The following SETX variants were observed in gnomAD, a reference collection of about 807,000 sequenced individuals.
SETX encodes the protein senataxin, also known as helicase senataxin.
SETX carries 90 observed loss-of-function variants against 227.2 expected under a neutral mutation model. The ratio of observed to expected loss-of-function variants is 0.40; its 90% confidence interval spans 0.33 to 0.47. The LOEUF (loss-of-function observed/expected upper bound fraction) is 0.47, where lower values mean the gene tolerates loss of function less well. SETX is among the 20% of genes least tolerant of loss of function. SETX has a pLI of 0.91. For missense variants in SETX, 3,052 were observed against 3,181.5 expected (o/e 0.96, Z 0.98); for synonymous variants, 1,210 against 1,113.2 (o/e 1.09, Z -1.73).
At chr9:132,348,129 T>C (rs1415403425) in intron 3 of SETX, among the ~76,000 whole-genome samples, 1 of 148,774 alleles carries the variant, frequency 6.7e-6, no homozygotes, top group Non-Finnish European at 1.5e-5. Context: ...GAGGCCGAGG[T>C]GGGCAGATCA....
At chr9:132,334,831 G>C (rs1273721367) in intron 6 of SETX, 104 bp from the exon 7 acceptor site, 2 of 1,261,006 alleles carry the variant, frequency 1.6e-6, no homozygotes, top group Admixed American at 1.7e-5. Context: ...AAGCAAGATA[G>C]TATTTAGTTT....
chr9:132,325,269 C>T (rs1241261565), intron 10 of SETX, among the ~76,000 whole-genome samples: 1 of 151,866 alleles, frequency 6.6e-6, no homozygotes, highest in African/African-American at 2.4e-5. Context: ...GGCAGGAGAA[C>T]AGCCTGAACC....
chr9:132,346,522 A>T, intron 3 of SETX, 51 bp from the exon 4 acceptor site: 1 of 1,292,320 alleles, frequency 7.7e-7, no homozygotes, highest in Non-Finnish European at 1.1e-6. Context: ...CATCAACAAA[A>T]TACACTGAAT....
chr9:132,334,636 T>C lies in SETX; in HGVS notation c.810A>G (p.Ile270Met), dbSNP rs1005923531. The C allele has an allele frequency of 6.2e-7, 1 of 1,613,982 alleles. No homozygotes were observed. Among genetic ancestry groups the C allele is most frequent in the African/African-American group, 1.3e-5 (1 of 74,944 alleles). Residue 270 changes from isoleucine to methionine, a missense_variant, in exon 7 of 26, where the codon ATA (isoleucine) becomes ATG (methionine). Around this residue, in one of 10 missense-constraint regions of SETX, gnomAD observed 239 missense variants for 240.8 expected, o/e 0.99. Transcript: ENST00000224140. ...CTGCTTCCCTCTCCATAGTGTGAAG[T>C]ATCGATTGCATAAAATCATTTTGTT... ...SDKQNDFMQS[I>M]LHTMEREADD...
In SETX at chr9:132,264,086, G is replaced by T; in HGVS notation, c.*153C>A. 2.0e-6 allele frequency: 2 copies of T among 1,024,306 alleles called. No individual in the cohort carries two copies. The highest frequency in any genetic ancestry group is 1.5e-6 in the Non-Finnish European group (1 of 685,374). The allele number at this position is 1,024,306 out of a possible 1,614,324, so 63.5% of individuals were successfully genotyped here. A position where few individuals can be genotyped will look rare whatever the true frequency, so the allele number is the denominator to read the frequency against. On this transcript the variant is annotated 3_prime_UTR_variant, in exon 26 of 26. Transcript: ENST00000224140. ...GCAAATGACAGAAAATACTGAAGAT[G>T]ACCAGAGGCTCAGGTGTTAAGGATG...
intron 19 of SETX, 139 bp from the exon 20 acceptor site, chr9:132,281,713 T>C: frequency 4.1e-6 from 3 of 726,086 alleles, no homozygotes; most frequent in Non-Finnish European, 7.2e-6. Context: ...AAATTTTCCC[T>C]GAAAACAAAA....
chr9:132,334,162 C>A (rs114160747), intron 7 of SETX, among the ~76,000 whole-genome samples: 99 of 152,222 alleles, frequency 6.5e-4, no homozygotes, highest in African/African-American at 2.3e-3. Context: ...TATAAAGGTC[C>A]TTTCTGATTT....
chr9:132,264,306 T>C lies in SETX; in HGVS notation c.7967A>G (p.Asn2656Ser), dbSNP rs745394467. ...CAGTGTCCTCTTGTCCCACCTAGAGTTCCTCCTGGTGTGATGGGTCTCGGA... is the reference window on the plus strand; with the variant it reads ...CAGTGTCCTCTTGTCCCACCTAGAGCTCCTCCTGGTGTGATGGGTCTCGGA... ...CGSETHHTRR[N>S]SRWDKRTLEQ... The change falls in exon 26 of 26, where the codon AAC becomes AGC. Residue 2656 changes from asparagine (N) to serine (S), a missense_variant. Asn to Ser is a conservative substitution (Grantham distance 46). This residue lies in a region of SETX where 294 missense variants were observed against 278.8 expected (regional missense o/e 1.05). Coordinates refer to ENST00000224140, the MANE Select transcript of SETX (RefSeq NM_015046.7). 3.4e-5 allele frequency: 55 copies of C among 1,614,032 alleles called. No homozygotes were observed. The highest frequency in any genetic ancestry group is 4.2e-5 in the Non-Finnish European group (49 of 1,180,044).
intron 11 of SETX, among the ~76,000 whole-genome samples, chr9:132,302,173 C>A (rs10901151): frequency 1.3e-5 from 2 of 151,002 alleles, no homozygotes. Context: ...CTGGCCAACA[C>A]GGTGAAACCC....
rs1847477426 is a variant in SETX, at chr9:132,334,658, T to C, written c.788A>G (p.Gln263Arg). The change falls in exon 7 of 26, where the codon CAA becomes CGA. Residue 263 changes from glutamine to arginine, a missense_variant. Physicochemically the swap from Gln to Arg is conservative, Grantham distance 43. Around this residue, in one of 10 missense-constraint regions of SETX, gnomAD observed 239 missense variants for 240.8 expected, o/e 0.99. Coordinates refer to ENST00000224140, the MANE Select transcript of SETX (RefSeq NM_015046.7). ...MDSLLLGSDK[Q>R]NDFMQSILHT... ...AAGTATCGATTGCATAAAATCATTT[T>C]GTTTGTCTGAGCCCAACAACAGGGA... is the stretch of plus-strand genomic sequence containing the variant. The C allele has an allele frequency of 1.2e-6, 2 of 1,614,038 alleles. No homozygotes were observed. Among genetic ancestry groups the C allele is most frequent in the East Asian group, 2.2e-5 (1 of 44,888 alleles).
intron 15 of SETX, among the ~76,000 whole-genome samples, 194 bp downstream of exon 15, chr9:132,295,678 G>T (rs958479361): frequency 6.6e-6 from 1 of 152,174 alleles, no homozygotes; most frequent in African/African-American, 2.4e-5. Flanking sequence ...CTTCACTGAT[G>T]AAACCTCAGT....
chr9:132,350,656 A>T (rs1274329587), intron 2 of SETX, among the ~76,000 whole-genome samples: 2 of 152,206 alleles, frequency 1.3e-5, no homozygotes, highest in African/African-American at 4.8e-5. Context: ...TTGATTTTTT[A>T]AAATTTATTA....
At chr9:132,354,292 GC>G (rs1848766765) in intron 1 of SETX, among the ~76,000 whole-genome samples, 1 of 152,116 alleles carries the variant, frequency 6.6e-6, no homozygotes, top group Non-Finnish European at 1.5e-5. Context: ...GAGCAGCTGA[GC>G]TCAGCCTGGG....
chr9:132,337,837 T>G (rs543830845), intron 5 of SETX, among the ~76,000 whole-genome samples: 62 of 152,308 alleles, frequency 4.1e-4, no homozygotes, highest in Middle Eastern at 3.4e-3. Flanking sequence ...GAGATCTTGA[T>G]GAAATGCATA....
At chr9:132,347,826 A>C (rs1023528204) in intron 3 of SETX, among the ~76,000 whole-genome samples, 2 of 152,122 alleles carry the variant, frequency 1.3e-5, no homozygotes, top group African/African-American at 4.8e-5. Context: ...AAACTTTATA[A>C]AGTGCACGTT....
chr9:132,264,738 G>C lies in SETX; in HGVS notation c.7535C>G (p.Pro2512Arg). The change falls in exon 26 of 26, where the codon CCC becomes CGC. Residue 2512 changes from proline (P) to arginine (R), a missense_variant. Coordinates refer to ENST00000224140, the MANE Select transcript of SETX (RefSeq NM_015046.7). ...TSVAASLYHT[P>R]SDSKEITLTV... is the part of the protein sequence containing the mutation. ...AAGAGTAATTTCCTTGGAGTCAGAG[G>C]GTGTGTGGTATAGAGAAGCAGCAAC... is the stretch of plus-strand genomic sequence containing the variant. 1 of 1,614,164 alleles carries C rather than the reference G, an allele frequency of 6.2e-7. No homozygotes were observed. The highest frequency in any genetic ancestry group is 2.2e-5 in the East Asian group (1 of 44,888).
Position 132,330,098 on chromosome 9 carries a change from A to C in SETX, c.1500T>G (p.Phe500Leu). The change falls in exon 10 of 26, where the codon TTT becomes TTG. Residue 500 changes from phenylalanine to leucine, a missense_variant. Transcript: ENST00000224140. ...CAGATGATTTCTCAGAACTCCGTGT[A>C]AACGCAGTGGTAGGAAGCTTGGCAC... ...VKCAKLPTTA[F>L]TRSSEKSSGN... is the part of the protein sequence containing the mutation. The C allele has an allele frequency of 6.2e-7, 1 of 1,614,242 alleles. No homozygotes were observed. The highest frequency in any genetic ancestry group is 8.5e-7 in the Non-Finnish European group (1 of 1,180,012).
intron 25 of SETX, 28 bp downstream of exon 25, chr9:132,269,587 G>A (rs1842799339): frequency 6.2e-7 from 1 of 1,612,678 alleles, no homozygotes; most frequent in Admixed American, 1.7e-5. Flanking sequence ...GTAACAATGG[G>A]TAAACTTCTG....
intron 23 of SETX, 52 bp from the exon 24 acceptor site, chr9:132,271,860 G>C (rs1177077478): frequency 6.8e-7 from 1 of 1,463,012 alleles, no homozygotes; most frequent in South Asian, 1.2e-5. Flanking sequence ...TAATTATTAA[G>C]TATACATATT....
Sources: gnomAD v4.1 joint callset for allele counts (sites outside exome capture counted in the v4.1 genomes callset) on GRCh38, gnomAD v4.1.1 for gene constraint, gnomAD v4.1.1 regional missense constraint, MANE v1.5 for transcripts, NCBI Gene and HGNC (gene_info 2026-07-23, HGNC 2026-07-21) for gene names.